The following SETD7 variants were observed in gnomAD, a reference collection of about 807,000 sequenced individuals.
SETD7 encodes the protein SET domain containing 7, histone lysine methyltransferase, also known as histone-lysine N-methyltransferase SETD7.
SETD7 carries 16 observed loss-of-function variants against 41.8 expected under a neutral mutation model. The ratio of observed to expected loss-of-function variants is 0.38; its 90% CI spans 0.26 to 0.58. The LOEUF is 0.58. SETD7 is among the 20% of genes least tolerant of loss of function. SETD7 has a pLI of 0.64. For missense variants in SETD7, 346 were observed against 459.7 expected, an observed-to-expected ratio of 0.75 and a Z score of 2.26; for synonymous variants, 163 against 169.7, an observed-to-expected ratio of 0.96 and a Z score of 0.31.
At chr4:139,496,037 T>G (rs942427757) in exon 8 of SETD7, 3 of 203,344 alleles carry the variant, frequency 1.5e-5, no homozygotes, top group African/African-American at 7.0e-5. Context: ...GAAATCCTTA[T>G]CCACATGTGG....
At position 139,511,106 on chromosome 4, in the gene SETD7, GT is replaced by G. The variant is rs1726858025; in HGVS notation, c.*556del. On this transcript the variant is annotated 3_prime_UTR_variant, in exon 8 of 8. Transcript: ENST00000274031. ...CTAAGAAAGAGAATAGGGCTGAGGG[GT>G]GAAATGACTTTAGAAGTGGGCTCCT... 6.5e-6 allele frequency: 1 copy of G among 154,368 alleles called. No individual in the cohort carries two copies. Among genetic ancestry groups the G allele is most frequent in the Admixed American group, 6.5e-5 (1 of 15,296 alleles). 9.6% of individuals were successfully genotyped at this position (154,368 alleles called of 1,614,324 possible).
chr4:139,553,409 T>TA (rs1728167353), intron 1 of SETD7, among the ~76,000 whole-genome samples: 1 of 152,212 alleles, frequency 6.6e-6, no homozygotes, highest in African/African-American at 2.4e-5. Flanking sequence ...GTTACACTGA[T>TA]AAAAAATGGC....
intron 2 of SETD7, among the ~76,000 whole-genome samples, chr4:139,544,187 GA>G (rs1727861896): frequency 6.6e-6 from 1 of 151,868 alleles, no homozygotes; most frequent in South Asian, 2.1e-4. Context: ...AGCTACTCAG[GA>G]AGCTGAGGTG....
intron 7 of SETD7, 80 bp from the exon 8 acceptor site, chr4:139,511,923 G>A: frequency 6.6e-7 from 1 of 1,521,782 alleles, no homozygotes; most frequent in Non-Finnish European, 8.8e-7. Context: ...GCTGATACAG[G>A]AATCACCCCC....
At chr4:139,538,601 G>A (rs1727703194) in intron 2 of SETD7, among the ~76,000 whole-genome samples, 1 of 152,122 alleles carries the variant, frequency 6.6e-6, no homozygotes, top group Non-Finnish European at 1.5e-5. Context: ...AGGATTACAG[G>A]TGTGAGCCAC....
intron 7 of SETD7, among the ~76,000 whole-genome samples, chr4:139,514,570 T>C (rs1185123680): frequency 1.3e-5 from 2 of 152,214 alleles, no homozygotes; most frequent in Non-Finnish European, 2.9e-5. Flanking sequence ...TTAACTGCTC[T>C]GCCTTGGAGA....
Position 139,507,375 on chromosome 4 carries a change from A to G in SETD7, c.*4288T>C, listed in dbSNP as rs1726733609. ...CTGGGGAAGCCTACGAGCTCTCTCC[A>G]CGTCAGGTGCAACAACGCCGAGGAA... On this transcript the variant is annotated 3_prime_UTR_variant, in exon 8 of 8. Transcript: ENST00000274031. The G allele has an allele frequency of 6.6e-6, 1 of 152,564 alleles. No individual in the cohort carries two copies. The highest frequency in any genetic ancestry group is 6.5e-5 in the Admixed American group (1 of 15,290). 9.5% of individuals were successfully genotyped at this position (152,564 alleles called of 1,614,324 possible).
chr4:139,513,586 T>C (rs112669706), intron 7 of SETD7, among the ~76,000 whole-genome samples: 9 of 152,298 alleles, frequency 5.9e-5, no homozygotes, highest in South Asian at 4.1e-4. Flanking sequence ...GGGGCCTCTA[T>C]GTCCACCCTC....
intron 2 of SETD7, among the ~76,000 whole-genome samples, chr4:139,540,570 G>C (rs1313410534): frequency 2.6e-5 from 4 of 152,178 alleles, no homozygotes; most frequent in Non-Finnish European, 5.9e-5. Context: ...GCCACTCTGT[G>C]CCTTAGTTTC....
intron 2 of SETD7, among the ~76,000 whole-genome samples, chr4:139,540,454 G>A (rs984367518): frequency 1.3e-5 from 2 of 152,206 alleles, no homozygotes; most frequent in African/African-American, 2.4e-5. Flanking sequence ...TTGGAAGATG[G>A]TAGCAGATGT....
intron 1 of SETD7, among the ~76,000 whole-genome samples, chr4:139,554,155 G>C (rs1357199016): frequency 6.6e-6 from 1 of 152,202 alleles, no homozygotes; most frequent in Non-Finnish European, 1.5e-5. Context: ...ATTATTAATA[G>C]TGTGCCCTCT....
At chr4:139,546,659 G>A in intron 2 of SETD7, 1 of 468,828 alleles carries the variant, frequency 2.1e-6, no homozygotes, top group Non-Finnish European at 3.9e-6. Context: ...ACTTATGCAA[G>A]ATGGGGGCCC....
downstream of SETD7, among the ~76,000 whole-genome samples, chr4:139,505,677 G>A (rs2075902335): frequency 1.3e-5 from 2 of 152,142 alleles, no homozygotes; most frequent in South Asian, 4.2e-4. Flanking sequence ...TCCTCAGACT[G>A]CCAAAATCTA....
intron 7 of SETD7, among the ~76,000 whole-genome samples, chr4:139,499,966 G>C (rs1169841663): frequency 2.0e-5 from 3 of 152,104 alleles, no homozygotes; most frequent in Non-Finnish European, 2.9e-5. Context: ...TGCCGTTTTT[G>C]TCCAAACATA....
In SETD7 at chr4:139,509,303, T is replaced by A. The variant is rs753114596; in HGVS notation, c.*2360A>T. ...CGTGGATGCATTGCTTCCTCTGATT[T>A]GCGTGGAGGTCACAGACACACTGCT... On this transcript the variant is annotated 3_prime_UTR_variant, in exon 8 of 8. Coordinates refer to ENST00000274031, the MANE Select transcript of SETD7 (RefSeq NM_030648.4). 1 of 152,204 alleles carries A rather than the reference T, an allele frequency of 6.6e-6. No homozygotes were observed. The highest frequency in any genetic ancestry group is 1.5e-5 in the Non-Finnish European group (1 of 68,058). 9.4% of individuals were successfully genotyped at this position (152,204 alleles called of 1,614,324 possible). A position where few individuals can be genotyped will look rare whatever the true frequency, so the allele number is the denominator to read the frequency against.
At chr4:139,550,723 G>T (rs1728086750) in intron 1 of SETD7, among the ~76,000 whole-genome samples, 1 of 152,192 alleles carries the variant, frequency 6.6e-6, no homozygotes, top group African/African-American at 2.4e-5. Flanking sequence ...ATTTTGTCAT[G>T]TCAGTAAGTC....
chr4:139,536,156 C>T (rs956899695), intron 2 of SETD7, among the ~76,000 whole-genome samples: 1 of 152,152 alleles, frequency 6.6e-6, no homozygotes, highest in African/African-American at 2.4e-5. Context: ...TCACCACATA[C>T]AGAAAAAGTT....
chr4:139,530,410 G>A (rs1196634856), intron 3 of SETD7, among the ~76,000 whole-genome samples: 1 of 138,928 alleles, frequency 7.2e-6, no homozygotes, highest in Non-Finnish European at 1.5e-5. Flanking sequence ...ATTTAAAAAT[G>A]AATCATGGCA....
rs1422710543 is a variant in SETD7 at position 139,555,910 on chromosome 4, C to T, written c.40+188G>A. Among the ~76,000 whole-genome samples, 1 of 151,962 alleles carries T rather than the reference C, an allele frequency of 6.6e-6. No homozygotes were observed. On this transcript the variant is annotated intron_variant, in intron 1 of 7. Transcript: ENST00000274031. The surrounding 1 kb of genome is among the most constrained non-coding windows in gnomAD (Gnocchi z 4.0). ...GCCCCATTCTCGGCCTGCGCCCCGC[C>T]GCGCAGTGCGCGCTCCCGGCGGCGT...
Sources: gnomAD v4.1 joint callset for allele counts (sites outside exome capture counted in the v4.1 genomes callset) on GRCh38, gnomAD v4.1.1 for gene constraint, Gnocchi (gnomAD v3.1) non-coding constraint, MANE v1.5 for transcripts, NCBI Gene and HGNC (gene_info 2026-07-23, HGNC 2026-07-21) for gene names.